The following GAL3ST2 variants were observed in gnomAD, a reference collection of about 807,000 sequenced individuals.
The protein encoded by GAL3ST2 is galactose-3-O-sulfotransferase 2.
In GAL3ST2, 16 loss-of-function variants were observed where a neutral mutation model predicts 12.9. That is an observed-to-expected ratio of 1.24 (90% CI 0.84 to 1.88). The LOEUF is 1.88. Ranked by LOEUF, GAL3ST2 falls within the 40% of genes most tolerant of loss-of-function variation. The pLI is 0.00. For missense variants in GAL3ST2, 639 were observed against 571.8 expected, an observed-to-expected ratio of 1.12 and a Z score of -1.20; for synonymous variants, 302 against 273.9, an observed-to-expected ratio of 1.10 and a Z score of -1.01.
At chr2:241,778,650 C>T (rs575383753) in intron 1 of GAL3ST2, among the ~76,000 whole-genome samples, 1 of 152,252 alleles carries the variant, frequency 6.6e-6, no homozygotes, top group African/African-American at 2.4e-5. Context: ...CTTACTTTGC[C>T]AAGGGTGAGG....
intron 1 of GAL3ST2, among the ~76,000 whole-genome samples, chr2:241,787,396 G>C (rs933091822): frequency 6.6e-6 from 1 of 152,086 alleles, no homozygotes; most frequent in Non-Finnish European, 1.5e-5. Flanking sequence ...AAATCTATTG[G>C]TGCTTGGTAT....
At chr2:241,781,848 T>TGA (rs1699571436) in intron 1 of GAL3ST2, among the ~76,000 whole-genome samples, 2 of 152,248 alleles carry the variant, frequency 1.3e-5, no homozygotes, top group Non-Finnish European at 2.9e-5. Flanking sequence ...TTTGGAAAGT[T>TGA]TGTCAAGTAT....
In GAL3ST2 at chr2:241,801,683, G is replaced by C; in HGVS notation, c.120-98G>C. ...CCTAGAGTTGGGGGGCTCAGGTTGGGAGGTCTCTCCTTGCGGTTGCCGGGC... is the reference window on the plus strand; with the variant it reads ...CCTAGAGTTGGGGGGCTCAGGTTGGCAGGTCTCTCCTTGCGGTTGCCGGGC... On this transcript the variant is annotated intron_variant, in intron 2 of 3. Transcript: ENST00000192314. This position sits in a 1 kb window ranked among gnomAD's most constrained non-coding sequence, Gnocchi z 4.4. 1 of 1,477,916 alleles carries C rather than the reference G, an allele frequency of 6.8e-7. No homozygotes were observed. The highest frequency in any genetic ancestry group is 9.0e-7 in the Non-Finnish European group (1 of 1,106,208). 91.6% of individuals were successfully genotyped at this position (1,477,916 alleles called of 1,614,324 possible). A position where few individuals can be genotyped will look rare whatever the true frequency, so the allele number is the denominator to read the frequency against.
At chr2:241,784,454 A>AGCC (rs1340542697) in intron 1 of GAL3ST2, among the ~76,000 whole-genome samples, 1 of 152,224 alleles carries the variant, frequency 6.6e-6, no homozygotes, top group African/African-American at 2.4e-5. Flanking sequence ...GATAAGTAGG[A>AGCC]AATTGCTTGA....
At chr2:241,798,834 G>C (rs1455123816) in intron 1 of GAL3ST2, among the ~76,000 whole-genome samples, 1 of 152,166 alleles carries the variant, frequency 6.6e-6, no homozygotes, top group African/African-American at 2.4e-5. Context: ...GGCTCTTTCC[G>C]GCCCTAAGCC....
chr2:241,802,083 TG>T lies in GAL3ST2; in HGVS notation c.375+49del. Reference sequence around the variant, plus strand: ...GGAGGGCGGGCTGCAGCCGTGCCTGTGGCTGTGGGTCTGGGTGGTGTAGCCT... The same window carrying T: ...GGAGGGCGGGCTGCAGCCGTGCCTGTGCTGTGGGTCTGGGTGGTGTAGCCT... On this transcript the variant is annotated intron_variant, in intron 3 of 3. Transcript: ENST00000192314. The surrounding 1 kb of genome is among the most constrained non-coding windows in gnomAD (Gnocchi z 4.8). 6.5e-7 allele frequency: 1 copy of T among 1,532,266 alleles called. No individual in the cohort carries two copies. Among genetic ancestry groups the T allele is most frequent in the Non-Finnish European group, 8.8e-7 (1 of 1,136,976 alleles). The allele number at this position is 1,532,266 out of a possible 1,614,324, so 94.9% of individuals were successfully genotyped here.
In GAL3ST2 at chr2:241,795,601, T is replaced by C. The variant is rs1281499150; in HGVS notation, c.30-3464T>C. 6.6e-6 allele frequency among the ~76,000 whole-genome samples: 1 copy of C among 152,062 alleles called. No homozygotes were observed. The highest frequency in any genetic ancestry group is 1.5e-5 in the Non-Finnish European group (1 of 67,994). ...TTATCAGTGAGTTAATCTCTAACTG[T>C]GCGGAGCCGTAAAACTGCCCTTCCC... is the stretch of plus-strand genomic sequence containing the variant. On this transcript the variant is annotated intron_variant, in intron 1 of 3. Transcript: ENST00000192314. The surrounding 1 kb of genome is among the most constrained non-coding windows in gnomAD (Gnocchi z 4.5).
rs796994375 is a variant in GAL3ST2, at chr2:241,780,205, C to T, written c.29+3221C>T. On this transcript the variant is annotated intron_variant, in intron 1 of 3. Coordinates refer to ENST00000192314, the MANE Select transcript of GAL3ST2 (RefSeq NM_022134.3). ...ATTAGGCAAGACTAGAATCTAACAA[C>T]AGGTGTACTATAGTTTTTGAAAGAT... Among the ~76,000 whole-genome samples, 3 of 152,056 alleles carry T rather than the reference C, an allele frequency of 2.0e-5. No individual in the cohort carries two copies. In the South Asian group the frequency reaches 6.2e-4, roughly 32 times the overall value.
chr2:241,801,863 C>A lies in GAL3ST2; in HGVS notation c.202C>A (p.Leu68Ile). Residue 68 changes from leucine to isoleucine, a missense_variant, in exon 3 of 4, where the codon CTC becomes ATC. Coordinates refer to ENST00000192314, the MANE Select transcript of GAL3ST2 (RefSeq NM_022134.3). This position sits in a 1 kb window ranked among gnomAD's most constrained non-coding sequence, Gnocchi z 4.4. The stretch of plus-strand genomic sequence containing the variant: ...GCACAAGACGGCCAGCAGCACGGTG[C>A]TCAACATCCTCTACCGCTTCGCCGA... ...KTHKTASSTV[L>I]NILYRFAETH... is the part of the protein sequence containing the mutation. 1 of 1,612,966 alleles carries A rather than the reference C, an allele frequency of 6.2e-7. No homozygotes were observed. Among genetic ancestry groups the A allele is most frequent in the Non-Finnish European group, 8.5e-7 (1 of 1,179,942 alleles).
At position 241,802,454 on chromosome 2, in the gene GAL3ST2, C is replaced by T. The variant is rs1699865861; in HGVS notation, c.375+418C>T. Among the ~76,000 whole-genome samples the T allele has an allele frequency of 6.6e-6, 1 of 152,126 alleles. No homozygotes were observed. The highest frequency in any genetic ancestry group is 1.5e-5 in the Non-Finnish European group (1 of 67,996). On this transcript the variant is annotated intron_variant, in intron 3 of 3. Coordinates refer to ENST00000192314, the MANE Select transcript of GAL3ST2 (RefSeq NM_022134.3). This position sits in a 1 kb window ranked among gnomAD's most constrained non-coding sequence, Gnocchi z 4.8. ...GACCTTCCTTACAAAGGAAGCAGGG[C>T]AGGGAGTGTGGGTGGGAGGGCTGTG...
At position 241,803,493 on chromosome 2, in the gene GAL3ST2, G is replaced by A; in HGVS notation, c.524G>A (p.Arg175Gln). The A allele has an allele frequency of 1.2e-6, 2 of 1,611,628 alleles. No homozygotes were observed. Among genetic ancestry groups the A allele is most frequent in the South Asian group, 1.1e-5 (1 of 90,756 alleles). The change falls in exon 4 of 4, where the codon CGG (arginine) becomes CAG (glutamine). Residue 175 changes from arginine to glutamine, a missense_variant. Transcript: ENST00000192314. ...PSLDAFLASP[R>Q]TFYNDSRHLR... ...CTGGACGCGTTCCTGGCCTCGCCGC[G>A]GACGTTCTACAACGACAGCCGCCAC... is the stretch of plus-strand genomic sequence containing the variant.
chr2:241,788,472 T>C (rs549754927), intron 1 of GAL3ST2, among the ~76,000 whole-genome samples: 60 of 152,344 alleles, frequency 3.9e-4, no homozygotes, highest in African/African-American at 1.3e-3. Flanking sequence ...GTCTTCTTTA[T>C]TGCTTTTCTC....
At position 241,802,076 on chromosome 2, in the gene GAL3ST2, G is replaced by T. The variant is rs976674649; in HGVS notation, c.375+40G>T. On this transcript the variant is annotated intron_variant, in intron 3 of 3. Coordinates refer to ENST00000192314, the MANE Select transcript of GAL3ST2 (RefSeq NM_022134.3). The surrounding 1 kb of genome is among the most constrained non-coding windows in gnomAD (Gnocchi z 4.8). ...CTGGGGAGGAGGGCGGGCTGCAGCC[G>T]TGCCTGTGGCTGTGGGTCTGGGTGG... 1 of 1,567,874 alleles carries T rather than the reference G, an allele frequency of 6.4e-7. No individual in the cohort carries two copies. Among genetic ancestry groups the T allele is most frequent in the South Asian group, 1.2e-5 (1 of 85,014 alleles).
intron 1 of GAL3ST2, among the ~76,000 whole-genome samples, chr2:241,786,555 C>T (rs1029234689): frequency 3.3e-5 from 5 of 152,210 alleles, no homozygotes; most frequent in African/African-American, 1.2e-4. Flanking sequence ...AGTTACCTGC[C>T]TTCCATCGTC....
At chr2:241,781,406 C>T (rs1489563433) in intron 1 of GAL3ST2, among the ~76,000 whole-genome samples, 1 of 151,970 alleles carries the variant, frequency 6.6e-6, no homozygotes, top group African/African-American at 2.4e-5. Flanking sequence ...TTATCAGAAC[C>T]CTGTATTTAA....
chr2:241,800,462 C>T lies in GAL3ST2; in HGVS notation c.119+1308C>T, dbSNP rs1051547493. 1.3e-5 allele frequency among the ~76,000 whole-genome samples: 2 copies of T among 152,146 alleles called. No individual in the cohort carries two copies. The highest frequency in any genetic ancestry group is 2.4e-5 in the African/African-American group (1 of 41,414). On this transcript the variant is annotated intron_variant, in intron 2 of 3. Coordinates refer to ENST00000192314, the MANE Select transcript of GAL3ST2 (RefSeq NM_022134.3). This position sits in a 1 kb window ranked among gnomAD's most constrained non-coding sequence, Gnocchi z 5.2. ...TGGATATTCATGAAGGGGGTCCTGA[C>T]GCACGTGTCCTGAACAAACAGGTGT...
At chr2:241,783,596 T>C (rs937258555) in intron 1 of GAL3ST2, among the ~76,000 whole-genome samples, 1 of 152,212 alleles carries the variant, frequency 6.6e-6, no homozygotes, top group African/African-American at 2.4e-5. Context: ...GAAATATCTA[T>C]TATCTAATTT....
At position 241,800,289 on chromosome 2, in the gene GAL3ST2, A is replaced by ACAGGCTGGGAGCACAGCCGCCGACC. The variant is rs535392956; in HGVS notation, c.119+1173_119+1197dup. Among the ~76,000 whole-genome samples the ACAGGCTGGGAGCACAGCCGCCGACC allele has an allele frequency of 4.6e-3, 686 of 150,446 alleles. 11 individuals carry two copies. The highest frequency in any genetic ancestry group is 0.015 in the African/African-American group (622 of 40,358). ...GTTTCTTAAAAAGTGTGGACATCCC[A>ACAGGCTGGGAGCACAGCCGCCGACC]CAGGCTGGGAGCACAGCCGCCGACC... is the stretch of plus-strand genomic sequence containing the variant. On this transcript the variant is annotated intron_variant, in intron 2 of 3. Coordinates refer to ENST00000192314, the MANE Select transcript of GAL3ST2 (RefSeq NM_022134.3). This position sits in a 1 kb window ranked among gnomAD's most constrained non-coding sequence, Gnocchi z 5.2.
Position 241,804,221 on chromosome 2 carries a change from T to A in GAL3ST2, c.*55T>A. On this transcript the variant is annotated 3_prime_UTR_variant, in exon 4 of 4. Coordinates refer to ENST00000192314, the MANE Select transcript of GAL3ST2 (RefSeq NM_022134.3). ...CGGACACCAGCTCCTCTCTCCGCCG[T>A]CACCGGGGAGGCCGGGGATCCTTGC... 13 of 1,334,100 alleles carry A rather than the reference T, an allele frequency of 9.7e-6. No homozygotes were observed. The highest frequency in any genetic ancestry group is 1.3e-5 in the Non-Finnish European group (13 of 1,026,828). The allele number at this position is 1,334,100 out of a possible 1,614,324, so 82.6% of individuals were successfully genotyped here.
Sources: gnomAD v4.1 joint callset for allele counts (sites outside exome capture counted in the v4.1 genomes callset) on GRCh38, gnomAD v4.1.1 for gene constraint, Gnocchi (gnomAD v3.1) non-coding constraint, MANE v1.5 for transcripts, NCBI Gene and HGNC (gene_info 2026-07-23, HGNC 2026-07-21) for gene names.